Variants in RUFY2 observed in about 807,000 individuals in gnomAD.
The protein encoded by RUFY2 is RUN and FYVE domain-containing protein 2.
Under a neutral mutation model 94.4 loss-of-function variants are expected in RUFY2, and 49 were observed. The ratio of observed to expected loss-of-function variants is 0.52; its 90% confidence interval spans 0.41 to 0.66. The LOEUF is 0.66. Ranked by LOEUF, RUFY2 falls within the 30% of genes least tolerant of loss-of-function variation. RUFY2 has a pLI of 0.00. For missense variants in RUFY2, 541 were observed against 692.8 expected, an observed-to-expected ratio of 0.78 and a Z score of 2.46; for synonymous variants, 255 against 235.7, an observed-to-expected ratio of 1.08 and a Z score of -0.75.
intron 11 of RUFY2, among the ~76,000 whole-genome samples, chr10:68,380,155 G>A (rs2048953372): frequency 1.3e-5 from 2 of 150,416 alleles, no homozygotes; most frequent in Non-Finnish European, 3.0e-5. Context: ...CACCAGGCTG[G>A]TCTCGAACTC....
At chr10:68,364,957 T>C (rs1431277397) in intron 13 of RUFY2, among the ~76,000 whole-genome samples, 1 of 152,144 alleles carries the variant, frequency 6.6e-6, no homozygotes, top group Non-Finnish European at 1.5e-5. Flanking sequence ...TCCATGATTA[T>C]TGCTCATAAG....
rs746695037 is a variant in RUFY2 at position 68,394,370 on chromosome 10, G to C, written c.480C>G (p.Ile160Met). 3.1e-6 allele frequency: 5 copies of C among 1,613,458 alleles called. No homozygotes were observed. Among genetic ancestry groups the C allele is most frequent in the Non-Finnish European group, 8.5e-7 (1 of 1,179,600 alleles). Reference protein sequence around the residue: ...IVGLLVGLNVIDANLCVKGED... With the variant: ...IVGLLVGLNVMDANLCVKGED... ...CTCCCTTCACACACAGATTAGCATCGATCACATTCAGGCCAACCAGCAGCC... is the reference window on the plus strand; with the variant it reads ...CTCCCTTCACACACAGATTAGCATCCATCACATTCAGGCCAACCAGCAGCC... Residue 160 changes from isoleucine (I) to methionine (M), a missense_variant, in exon 5 of 18, where the codon ATC becomes ATG. Physicochemically the swap from Ile to Met is conservative, Grantham distance 10. Around this residue, in one of 3 missense-constraint regions of RUFY2, gnomAD observed 85 missense variants for 153.4 expected, o/e 0.55. Coordinates refer to ENST00000602465, the MANE Select transcript of RUFY2 (RefSeq NM_001330103.2).
At position 68,345,779 on chromosome 10, in the gene RUFY2, T is replaced by C; in HGVS notation, c.1810A>G (p.Asn604Asp). The C allele has an allele frequency of 1.2e-6, 2 of 1,612,652 alleles. No homozygotes were observed. Among genetic ancestry groups the C allele is most frequent in the Non-Finnish European group, 1.7e-6 (2 of 1,179,352 alleles). The change falls in exon 18 of 18, where the codon AAC becomes GAC. Residue 604 changes from asparagine (N) to aspartate (D), a missense_variant. Asn to Asp is a conservative substitution (Grantham distance 23). Transcript: ENST00000602465. ...HALLIQRCSS[N>D]LP ...TTAGTTCTGGAGTCTCAGGGCAAGT[T>C]AGATGAGCATCTCTGAATGAGCAGT... is the stretch of plus-strand genomic sequence containing the variant.
intron 13 of RUFY2, among the ~76,000 whole-genome samples, chr10:68,373,301 T>A (rs1275168488): frequency 6.6e-6 from 1 of 152,118 alleles, no homozygotes; most frequent in Non-Finnish European, 1.5e-5. Context: ...TTCTAAATAA[T>A]GTTCATGTAA....
chr10:68,370,545 G>A (rs2048197424), intron 13 of RUFY2, among the ~76,000 whole-genome samples: 1 of 148,468 alleles, frequency 6.7e-6, no homozygotes, highest in Non-Finnish European at 1.5e-5. Flanking sequence ...TACTCAGGAA[G>A]CTTGGGCAGA....
chr10:68,357,122 C>T (rs554400775), intron 15 of RUFY2, among the ~76,000 whole-genome samples: 1 of 151,652 alleles, frequency 6.6e-6, no homozygotes, highest in African/African-American at 2.4e-5. Flanking sequence ...GAGCCGAGAT[C>T]GTGCCACTGC....
chr10:68,397,680 G>A (rs2050491053), intron 3 of RUFY2, among the ~76,000 whole-genome samples: 1 of 152,084 alleles, frequency 6.6e-6, no homozygotes, highest in Non-Finnish European at 1.5e-5. Context: ...TCAGGAGGCT[G>A]AGACAGGAGG....
intron 1 of RUFY2, among the ~76,000 whole-genome samples, chr10:68,406,228 T>C (rs1203130890): frequency 6.6e-6 from 1 of 152,100 alleles, no homozygotes; most frequent in Non-Finnish European, 1.5e-5. Flanking sequence ...CTCCGATTTC[T>C]AGATAGCTAG....
chr10:68,356,323 C>T (rs567643663), intron 15 of RUFY2, among the ~76,000 whole-genome samples: 2 of 151,886 alleles, frequency 1.3e-5, no homozygotes, highest in African/African-American at 4.8e-5. Context: ...GGTCAATATA[C>T]AGTGAAACCC....
At chr10:68,377,281 C>A in intron 12 of RUFY2, 1 of 1,152,942 alleles carries the variant, frequency 8.7e-7, no homozygotes, top group Non-Finnish European at 1.1e-6. Flanking sequence ...CATAACGAAT[C>A]AAATTTCAAA....
chr10:68,376,440 G>GTATATATA (rs1203390579), intron 13 of RUFY2, among the ~76,000 whole-genome samples: 16 of 48,264 alleles, frequency 3.3e-4, no homozygotes, highest in East Asian at 2.0e-3. Context: ...AAAAAAATGT[G>GTATATATA]TGTATATATA....
chr10:68,344,122 A>G lies in RUFY2; in HGVS notation c.*1646T>C, dbSNP rs1330647981. 6.6e-6 allele frequency: 1 copy of G among 152,232 alleles called. No individual in the cohort carries two copies. The highest frequency in any genetic ancestry group is 1.5e-5 in the Non-Finnish European group (1 of 68,032). 9.4% of individuals were successfully genotyped at this position (152,232 alleles called of 1,614,324 possible). A position where few individuals can be genotyped will look rare whatever the true frequency, so the allele number is the denominator to read the frequency against. On this transcript the variant is annotated 3_prime_UTR_variant, in exon 18 of 18. Coordinates refer to ENST00000602465, the MANE Select transcript of RUFY2 (RefSeq NM_001330103.2). ...TGTCAGTATTCAAGAAAGACCATCT[A>G]GAAATCTGTGTCACATCTGACACCT...
intron 16 of RUFY2, among the ~76,000 whole-genome samples, chr10:68,353,053 C>T (rs1177396193): frequency 1.3e-5 from 2 of 151,920 alleles, no homozygotes; most frequent in African/African-American, 4.8e-5. Flanking sequence ...AGAATAGGGG[C>T]TAGATGCAGT....
At chr10:68,363,442 A>C (rs2047594041) in intron 15 of RUFY2, 148 bp downstream of exon 15, 2 of 465,080 alleles carry the variant, frequency 4.3e-6, no homozygotes, top group Non-Finnish European at 7.4e-6. Context: ...GGAATTACAA[A>C]GTGCGGGGAT....
rs931216739 is a variant in RUFY2 at position 68,398,506 on chromosome 10, G to T, written c.297-1625C>A. 2.0e-5 allele frequency among the ~76,000 whole-genome samples: 3 copies of T among 152,036 alleles called. No homozygotes were observed. The East Asian group carries it at 5.8e-4, about 29-fold the overall frequency. On this transcript the variant is annotated intron_variant, in intron 3 of 17. Coordinates refer to ENST00000602465, the MANE Select transcript of RUFY2 (RefSeq NM_001330103.2). ...GTCTCCACTAAAAATACAAAAATTA[G>T]CCAGGCACAGTGGCATGAGCCCGTA...
At chr10:68,368,626 T>C (rs2048032836) in intron 13 of RUFY2, among the ~76,000 whole-genome samples, 2 of 151,632 alleles carry the variant, frequency 1.3e-5, no homozygotes, top group Non-Finnish European at 2.9e-5. Context: ...GCCATTGCAT[T>C]CCAGCCTGGG....
chr10:68,387,542 T>C (rs1439760348), intron 7 of RUFY2, among the ~76,000 whole-genome samples: 4 of 152,226 alleles, frequency 2.6e-5, no homozygotes, highest in African/African-American at 7.2e-5. Context: ...AAAAATGTTT[T>C]TCCATTCATA....
intron 3 of RUFY2, among the ~76,000 whole-genome samples, chr10:68,399,292 C>T (rs1169183308): frequency 6.6e-6 from 1 of 152,072 alleles, no homozygotes; most frequent in East Asian, 1.9e-4. Flanking sequence ...GCAATCCACC[C>T]ATCTCAGCCT....
At chr10:68,387,776 G>C (rs10823189) in intron 7 of RUFY2, among the ~76,000 whole-genome samples, 14,302 of 147,634 alleles carry the variant, frequency 0.097, 1,007 homozygotes, top group South Asian at 0.24. Flanking sequence ...AGGCCGAGGC[G>C]GGCAGATCAC....
Sources: gnomAD v4.1 joint callset for allele counts (sites outside exome capture counted in the v4.1 genomes callset) on GRCh38, gnomAD v4.1.1 for gene constraint, gnomAD v4.1.1 regional missense constraint, MANE v1.5 for transcripts, NCBI Gene and HGNC (gene_info 2026-07-23, HGNC 2026-07-21) for gene names.